TNS1: variants seen among roughly 807,000 people sequenced by gnomAD.
TNS1 encodes the protein tensin-1.
Under a neutral mutation model 168.6 loss-of-function variants are expected in TNS1, and 62 were observed. That is an observed-to-expected ratio of 0.37 (90% CI 0.30 to 0.45). The LOEUF (loss-of-function observed/expected upper bound fraction) is 0.45, where lower values mean the gene tolerates loss of function less well. Among genes scored for constraint, TNS1 ranks in the 20% least tolerant of loss-of-function variants. TNS1 has a pLI of 1.00. For missense variants in TNS1, 2,240 were observed against 2,339.4 expected, an observed-to-expected ratio of 0.96 and a Z score of 0.88; for synonymous variants, 934 against 933.2, an observed-to-expected ratio of 1.00 and a Z score of -0.02.
intron 7 of TNS1, 72 bp from the exon 8 acceptor site, chr2:217,898,041 C>A (rs1952511640): frequency 1.3e-6 from 2 of 1,485,436 alleles, no homozygotes; most frequent in Non-Finnish European, 1.8e-6. Context: ...GATAGCTGCA[C>A]CCCATACACA....
At chr2:217,972,407 G>C (rs1431383215) in intron 3 of TNS1, among the ~76,000 whole-genome samples, 1 of 152,218 alleles carries the variant, frequency 6.6e-6, no homozygotes, top group Non-Finnish European at 1.5e-5. Flanking sequence ...GTAAAAGAAG[G>C]CTGCAGGTGT....
intron 18 of TNS1, among the ~76,000 whole-genome samples, chr2:217,851,898 C>G (rs1947550814): frequency 6.6e-6 from 1 of 152,192 alleles, no homozygotes; most frequent in Non-Finnish European, 1.5e-5. Flanking sequence ...AATCCCAGCA[C>G]TCTGGGAGGC....
rs1418144916 is a variant in TNS1 at position 218,032,625 on chromosome 2, A to T, written c.156+1195T>A. 6.6e-6 allele frequency among the ~76,000 whole-genome samples: 1 copy of T among 152,062 alleles called. No homozygotes were observed. The highest frequency in any genetic ancestry group is 1.5e-5 in the Non-Finnish European group (1 of 67,974). On this transcript the variant is annotated intron_variant, in intron 1 of 1. Coordinates refer to the TNS1 transcript ENST00000649572. This position sits in a 1 kb window ranked among gnomAD's most constrained non-coding sequence, Gnocchi z 4.0. Reference sequence around the variant, plus strand: ...TTTTGAGGGGATCAGCACCCAGGAGATGTTTATCTGCCCCAAGAACGAGGG... The same window carrying T: ...TTTTGAGGGGATCAGCACCCAGGAGTTGTTTATCTGCCCCAAGAACGAGGG...
chr2:217,813,626 A>G lies in TNS1; in HGVS notation c.4861+59T>C, dbSNP rs1416258038. On this transcript the variant is annotated intron_variant, in intron 26 of 32. Coordinates refer to ENST00000682258, the MANE Select transcript of TNS1 (RefSeq NM_001387777.1). This position sits in a 1 kb window ranked among gnomAD's most constrained non-coding sequence, Gnocchi z 4.0. Reference sequence around the variant, plus strand: ...CACCCTGGGTCCCTCCAGCACCTCCAGGTTTAGCGACTGTAAAGCTCACCT... The same window carrying G: ...CACCCTGGGTCCCTCCAGCACCTCCGGGTTTAGCGACTGTAAAGCTCACCT... 3.7e-5 allele frequency: 57 copies of G among 1,544,754 alleles called. No homozygotes were observed. The highest frequency in any genetic ancestry group is 4.7e-5 in the Non-Finnish European group (54 of 1,145,644).
chr2:217,966,914 C>T (rs1957656426), intron 3 of TNS1, among the ~76,000 whole-genome samples: 1 of 149,772 alleles, frequency 6.7e-6, no homozygotes. Flanking sequence ...TAAGACTTTC[C>T]CTTCAATGGC....
At chr2:217,913,816 G>A (rs760842760) in intron 4 of TNS1, among the ~76,000 whole-genome samples, 4 of 151,988 alleles carry the variant, frequency 2.6e-5, no homozygotes, top group Non-Finnish European at 5.9e-5. Context: ...AGCTGCTCAG[G>A]CCCACCAGGC....
At position 217,917,870 on chromosome 2, in the gene TNS1, C is replaced by T. The variant is rs554097144; in HGVS notation, c.228+2325G>A. Among the ~76,000 whole-genome samples, 37 of 146,240 alleles carry T rather than the reference C, an allele frequency of 2.5e-4. No individual in the cohort carries two copies. In the East Asian group the frequency reaches 6.8e-3, roughly 27 times the overall value. On this transcript the variant is annotated intron_variant, in intron 4 of 32. Transcript: ENST00000682258. ...AAAAGACTTGCGACTGGGGGAAAAG[C>T]CTTGTGGGTATCTGTGGGAAGAGCA...
chr2:217,814,157 T>C (rs2125125418), intron 25 of TNS1: 1 of 181,964 alleles, frequency 5.5e-6, no homozygotes, highest in East Asian at 1.6e-4. Context: ...CACTATTCAG[T>C]GTGTGCCATT....
Position 217,848,954 on chromosome 2 carries a change from C to A in TNS1, c.1563G>T (p.Val521=). ...CGCTGCTCACAGAAAGCGTGTGTTC[C>A]ACGTGGTTGGGGGTGGCCGACAGTG... ...RPTLSATPNH[V]EHTLSVSSDS... Residue 521 remains valine (V), a synonymous_variant, in exon 19 of 33, where the codon GTG becomes GTT. Transcript: ENST00000682258. 6.2e-7 allele frequency: 1 copy of A among 1,614,064 alleles called. No individual in the cohort carries two copies. Among genetic ancestry groups the A allele is most frequent in the Non-Finnish European group, 8.5e-7 (1 of 1,179,998 alleles).
Position 217,880,959 on chromosome 2 carries a change from G to T in TNS1, c.1368C>A (p.Asp456Glu). Reference protein sequence around the residue: ...PSVSVDYNTSDPLIRWDSYDN... With the variant: ...PSVSVDYNTSEPLIRWDSYDN... ...CGTAGGAGTCCCAGCGGATGAGGGGGTCGGAGGTGTTATAGTCCACAGACA... is the reference window on the plus strand; with the variant it reads ...CGTAGGAGTCCCAGCGGATGAGGGGTTCGGAGGTGTTATAGTCCACAGACA... Residue 456 changes from aspartate (D) to glutamate (E), a missense_variant, in exon 18 of 33, where the codon GAC becomes GAA. Physicochemically the swap from Asp to Glu is conservative, Grantham distance 45 (BLOSUM62 2). Transcript: ENST00000682258. The surrounding 1 kb of genome is among the most constrained non-coding windows in gnomAD (Gnocchi z 4.2). The T allele has an allele frequency of 3.1e-6, 5 of 1,614,084 alleles. No homozygotes were observed. Among genetic ancestry groups the T allele is most frequent in the Non-Finnish European group, 4.2e-6 (5 of 1,180,034 alleles).
chr2:217,912,808 G>A (rs965642651), intron 4 of TNS1, among the ~76,000 whole-genome samples: 4 of 152,180 alleles, frequency 2.6e-5, no homozygotes, highest in African/African-American at 7.2e-5. Context: ...GCCTAATCAC[G>A]AAAACAAGGC....
chr2:217,869,033 T>C (rs1485405688), intron 18 of TNS1, among the ~76,000 whole-genome samples: 2 of 152,122 alleles, frequency 1.3e-5, no homozygotes, highest in East Asian at 1.9e-4. Flanking sequence ...GCTGAGGAAG[T>C]AGAGGGAGGG....
Position 217,885,836 on chromosome 2 carries a change from G to C in TNS1, c.1041-17C>G. On this transcript the variant is annotated splice_polypyrimidine_tract_variant and intron_variant, in intron 14 of 32. Coordinates refer to ENST00000682258, the MANE Select transcript of TNS1 (RefSeq NM_001387777.1). ...GGGATGTTGCTAAGGGAGAGAGGTG[G>C]GCAGAAAAAGAGTGGGCTGCTGGAG... The C allele has an allele frequency of 6.2e-7, 1 of 1,613,692 alleles. No homozygotes were observed. The highest frequency in any genetic ancestry group is 8.5e-7 in the Non-Finnish European group (1 of 1,179,694).
At chr2:217,967,693 C>T (rs192880771) in intron 3 of TNS1, among the ~76,000 whole-genome samples, 1 of 152,158 alleles carries the variant, frequency 6.6e-6, no homozygotes, top group Admixed American at 6.5e-5. Flanking sequence ...CAAAGAAAAG[C>T]CCAGGTCCCG....
At chr2:218,011,490 C>A (rs1447913146), upstream of TNS1, among the ~76,000 whole-genome samples, 2 of 152,174 alleles carry the variant, frequency 1.3e-5, no homozygotes, top group African/African-American at 4.8e-5. Context: ...CAGCAAGCGC[C>A]ACTGGAGCCC....
At chr2:217,879,342 C>A (rs1574924752) in intron 18 of TNS1, 4 of 406,710 alleles carry the variant, frequency 9.8e-6, no homozygotes, top group East Asian at 1.6e-4. Context: ...ATCCCCAGCA[C>A]AACGACCAAT....
Position 217,836,165 on chromosome 2 carries a change from C to G in TNS1, c.3054G>C (p.Leu1018=), listed in dbSNP as rs367847126. The change falls in exon 20 of 33, where the codon CTG becomes CTC. Residue 1018 remains leucine, a synonymous_variant. Coordinates refer to ENST00000682258, the MANE Select transcript of TNS1 (RefSeq NM_001387777.1). ...EKQPAEPPAP[L]RRRAASDGQY... ...GTCCATCACTGGCCGCCCGCCTCCG[C>G]AGAGGGGCTGGGGGCTCTGCAGGCT... The G allele has an allele frequency of 6.2e-6, 10 of 1,613,744 alleles. No individual in the cohort carries two copies. The highest frequency in any genetic ancestry group is 2.2e-5 in the East Asian group (1 of 44,886).
chr2:217,961,259 A>AGG (rs1291959301), intron 3 of TNS1, among the ~76,000 whole-genome samples: 4 of 121,856 alleles, frequency 3.3e-5, no homozygotes, highest in African/African-American at 1.2e-4. Context: ...ACACACACAC[A>AGG]CAGAGAGAGA....
rs1947106680 is a variant in TNS1 at position 217,849,042 on chromosome 2, G to A, written c.1475C>T (p.Ala492Val). ...CAGGGAGTCTTTCTTCTTCACCTTAGCATACAGGCTCCCATCTAGTGGCCC... is the reference window on the plus strand; with the variant it reads ...CAGGGAGTCTTTCTTCTTCACCTTAACATACAGGCTCCCATCTAGTGGCCC... ...TQGPLDGSLY[A>V]KVKKKDSLHG... is the part of the protein sequence containing the mutation. Residue 492 changes from alanine (A) to valine (V), a missense_variant, in exon 19 of 33, where the codon GCT (alanine) becomes GTT (valine). Transcript: ENST00000682258. The A allele has an allele frequency of 1.9e-6, 3 of 1,613,726 alleles. No individual in the cohort carries two copies. Among genetic ancestry groups the A allele is most frequent in the African/African-American group, 1.3e-5 (1 of 74,998 alleles).
Sources: allele counts gnomAD v4.1 joint callset (sites outside exome capture counted in the v4.1 genomes callset), GRCh38; gene constraint gnomAD v4.1.1; non-coding constraint Gnocchi (gnomAD v3.1); transcripts MANE v1.5; gene names NCBI Gene and HGNC (gene_info 2026-07-23, HGNC 2026-07-21).